RRAGB: variants seen among roughly 807,000 people sequenced by gnomAD.
The protein encoded by RRAGB is ras-related GTP-binding protein B.
Under a neutral mutation model 29.3 loss-of-function variants are expected in RRAGB, and 6 were observed. The ratio of observed to expected loss-of-function variants is 0.21; its 90% CI spans 0.11 to 0.40. The LOEUF (loss-of-function observed/expected upper bound fraction) is 0.40, where lower values mean the gene tolerates loss of function less well. Ranked by LOEUF, RRAGB falls within the 10% of genes least tolerant of loss-of-function variation. RRAGB has a pLI of 1.00. For missense variants in RRAGB, 184 were observed against 272.9 expected, an observed-to-expected ratio of 0.67 and a Z score of 2.29; for synonymous variants, 101 against 92.5, an observed-to-expected ratio of 1.09 and a Z score of -0.53.
At chrX:55,739,661 C>A in intron 5 of RRAGB, among the ~76,000 whole-genome samples, 1 of 111,012 alleles carries the variant, frequency 9.0e-6, no homozygotes, top group Middle Eastern at 4.6e-3. Context: ...TGCTGCCCAC[C>A]ACTTCTTTCA....
At chrX:55,750,185 T>C (rs200538215) in intron 5 of RRAGB, among the ~76,000 whole-genome samples, 1 of 5,804 alleles carries the variant, frequency 1.7e-4, no homozygotes, top group Middle Eastern at 0.062. Context: ...TACATACGTA[T>C]GTGTGTGTGT....
chrX:55,758,144 A>G (rs2034704066), intron 9 of RRAGB, 102 bp from the exon 10 acceptor site: 1 of 465,128 alleles, frequency 2.1e-6, no homozygotes, highest in Non-Finnish European at 3.7e-6. Context: ...TCTGACATAC[A>G]TTGAGGGATT....
chrX:55,733,632 C>G (rs749308971), intron 5 of RRAGB, among the ~76,000 whole-genome samples: 2 of 112,354 alleles, frequency 1.8e-5, no homozygotes, highest in South Asian at 7.5e-4. Flanking sequence ...TTGAACCATA[C>G]TTGCATCCCT....
chrX:55,727,732 G>A (rs2033533432), intron 3 of RRAGB, among the ~76,000 whole-genome samples: 1 of 112,083 alleles, frequency 8.9e-6, no homozygotes, highest in Non-Finnish European at 1.9e-5. Context: ...TTAGATAGCA[G>A]TCAATTTAAG....
intron 5 of RRAGB, among the ~76,000 whole-genome samples, chrX:55,748,167 A>G (rs1182633775): frequency 5.3e-5 from 6 of 112,562 alleles, no homozygotes; most frequent in Middle Eastern, 9.2e-3. Context: ...CGTTCACTCA[A>G]TGCTCAATGG....
chrX:55,736,319 T>C (rs1190654727), intron 5 of RRAGB, among the ~76,000 whole-genome samples: 1 of 112,424 alleles, frequency 8.9e-6, no homozygotes, highest in East Asian at 2.8e-4. Context: ...TTTTTTAAAA[T>C]TTTTATCTGA....
rs1197273241 is a variant in RRAGB at position 55,726,160 on chromosome X, AAAG to A, written c.227-3131_227-3129del. ...GGATTAAGGAAAATGTTAAAAAAAAAAAGAAAAGCAACATGAGCTGATTTATAT... is the reference window on the plus strand; with the variant it reads ...GGATTAAGGAAAATGTTAAAAAAAAAAAAAGCAACATGAGCTGATTTATAT... On this transcript the variant is annotated intron_variant, in intron 3 of 9. Coordinates refer to ENST00000374941, the MANE Select transcript of RRAGB (RefSeq NM_006064.5). 2.7e-5 allele frequency among the ~76,000 whole-genome samples: 3 copies of A among 110,806 alleles called. 1 individual carries two copies. The highest frequency in any genetic ancestry group is 3.8e-4 in the South Asian group (1 of 2,644).
chrX:55,736,441 A>G (rs1228274055), intron 5 of RRAGB, among the ~76,000 whole-genome samples: 1 of 112,024 alleles, frequency 8.9e-6, no homozygotes, highest in Non-Finnish European at 1.9e-5. Flanking sequence ...TTAGCAACCT[A>G]ATAATTAACA....
intron 5 of RRAGB, among the ~76,000 whole-genome samples, chrX:55,734,293 G>A (rs773784440): frequency 9.4e-6 from 1 of 106,499 alleles, no homozygotes; most frequent in East Asian, 2.9e-4. Context: ...TACTGATTAC[G>A]TCTCACTAAT....
intron 5 of RRAGB, among the ~76,000 whole-genome samples, chrX:55,738,192 G>A (rs1471785767): frequency 8.9e-6 from 1 of 112,429 alleles, no homozygotes; most frequent in East Asian, 2.8e-4. Flanking sequence ...AGCACTCTCC[G>A]CTTAACATTC....
chrX:55,758,354 A>C lies in RRAGB; in HGVS notation c.*11A>C, dbSNP rs2034710027. The C allele has an allele frequency of 1.8e-6, 2 of 1,114,890 alleles. No individual in the cohort carries two copies. Among genetic ancestry groups the C allele is most frequent in the South Asian group, 4.0e-5 (2 of 50,470 alleles). The allele number at this position is 1,114,890 out of a possible 1,213,427, so 91.9% of individuals were successfully genotyped here. ...CTTCTCATGCGCTAAACATTGATGA[A>C]TATTGTTTCACACAAAAATTAAAAG... is the stretch of plus-strand genomic sequence containing the variant. On this transcript the variant is annotated 3_prime_UTR_variant, in exon 10 of 10. Coordinates refer to ENST00000374941, the MANE Select transcript of RRAGB (RefSeq NM_006064.5).
intron 5 of RRAGB, among the ~76,000 whole-genome samples, chrX:55,742,830 A>G (rs140321834): frequency 8.9e-6 from 1 of 111,797 alleles, no homozygotes; most frequent in African/African-American, 3.3e-5. Flanking sequence ...GACTCAGAGC[A>G]CATACAGCCT....
At position 55,757,267 on chromosome X, in the gene RRAGB, T is replaced by C. The variant is rs776175904; in HGVS notation, c.879T>C (p.Ala293=). 2.5e-6 allele frequency: 3 copies of C among 1,196,124 alleles called. No individual in the cohort carries two copies. Among genetic ancestry groups the C allele is most frequent in the Non-Finnish European group, 3.4e-6 (3 of 883,935 alleles). The part of the protein sequence containing the change: ...QSMEVRNSNF[A]AFIDIFTSNT... ...TGGAAGTCAGGAACTCTAACTTCGC[T>C]GCTTTCATTGACATCTTTACATCCA... Residue 293 remains alanine (A), a synonymous_variant, in exon 9 of 10, where the codon GCT becomes GCC. Transcript: ENST00000374941.
chrX:55,718,141 A>G lies in RRAGB; in HGVS notation c.-187A>G, dbSNP rs2033119584. 2 of 326,791 alleles carry G rather than the reference A, an allele frequency of 6.1e-6. No homozygotes were observed. The highest frequency in any genetic ancestry group is 1.1e-4 in the Admixed American group (2 of 18,806). The allele number at this position is 326,791 out of a possible 1,213,427, so 26.9% of individuals were successfully genotyped here. A position where few individuals can be genotyped will look rare whatever the true frequency, so the allele number is the denominator to read the frequency against. On this transcript the variant is annotated 5_prime_UTR_variant, in exon 1 of 10. Coordinates refer to ENST00000374941, the MANE Select transcript of RRAGB (RefSeq NM_006064.5). ...CGTGCCTTGAGGCCAGGTTCGAGAG[A>G]TAAAGGTAACCGTGGGGAAAGCGGC... is the stretch of plus-strand genomic sequence containing the variant.
At chrX:55,720,663 A>G (rs181753671) in intron 2 of RRAGB, among the ~76,000 whole-genome samples, 1 of 98,031 alleles carries the variant, frequency 1.0e-5, no homozygotes, top group East Asian at 3.3e-4. Flanking sequence ...CAACATGGCA[A>G]AACCCTGTCT....
chrX:55,718,750 G>A (rs917195278), intron 1 of RRAGB, among the ~76,000 whole-genome samples: 1 of 111,359 alleles, frequency 9.0e-6, no homozygotes, highest in Admixed American at 9.5e-5. Context: ...AAGAAGATTT[G>A]CATTTCCAGG....
intron 5 of RRAGB, among the ~76,000 whole-genome samples, chrX:55,746,945 A>T (rs1288195221): frequency 1.8e-5 from 2 of 112,011 alleles, no homozygotes; most frequent in Non-Finnish European, 3.8e-5. Context: ...TCCCATACAT[A>T]TTTCCTTGGT....
intron 5 of RRAGB, among the ~76,000 whole-genome samples, chrX:55,745,813 C>T (rs758544758): frequency 2.7e-5 from 3 of 112,009 alleles, no homozygotes; most frequent in Non-Finnish European, 5.6e-5. Context: ...CAATTTTGTA[C>T]TCTGGAACAG....
At chrX:55,729,430 G>A (rs2033596243) in intron 4 of RRAGB, 70 bp downstream of exon 4, 1 of 638,152 alleles carries the variant, frequency 1.6e-6, no homozygotes, top group Non-Finnish European at 2.6e-6. Flanking sequence ...TATCAGCATG[G>A]CGAATACACC....
Sources: gnomAD v4.1 joint callset for allele counts (sites outside exome capture counted in the v4.1 genomes callset) on GRCh38, gnomAD v4.1.1 for gene constraint, MANE v1.5 for transcripts, NCBI Gene and HGNC (gene_info 2026-07-23, HGNC 2026-07-21) for gene names.